Variants in CPED1 observed in about 807,000 individuals in gnomAD.
CPED1 encodes cadherin like and PC-esterase domain containing 1.
Under a neutral mutation model 128.2 loss-of-function variants are expected in CPED1, and 114 were observed. The observed-to-expected ratio is 0.89, with a 90% CI of 0.76 to 1.04. The LOEUF (loss-of-function observed/expected upper bound fraction) is 1.04, where lower values mean the gene tolerates loss of function less well. Ranked by LOEUF, CPED1 falls within the 50% of genes least tolerant of loss-of-function variation. CPED1 has a pLI of 0.00. For missense variants in CPED1, 1,211 were observed against 1,207.1 expected (o/e 1.00, Z -0.05); for synonymous variants, 462 against 426.7 (o/e 1.08, Z -1.02).
rs186340674 is a variant in CPED1 at position 121,272,099 on chromosome 7, T to C, written c.2868+669T>C. On this transcript the variant is annotated intron_variant, in intron 22 of 22. Transcript: ENST00000310396. ...CAAAAGGTCTCCAATCACCTTCAGG[T>C]GTAGGAGTATCACATCAATACTAAA... Among the ~76,000 whole-genome samples, 404 of 152,176 alleles carry C rather than the reference T, an allele frequency of 2.7e-3. 4 individuals carry two copies. The highest frequency in any genetic ancestry group is 9.4e-3 in the African/African-American group (391 of 41,542).
chr7:121,292,314 G>C (rs1275416921), intron 22 of CPED1, among the ~76,000 whole-genome samples: 4 of 151,370 alleles, frequency 2.6e-5, no homozygotes, highest in African/African-American at 9.7e-5. Flanking sequence ...TTCGGTTATT[G>C]ATACCTGTGT....
At chr7:121,136,801 G>A (rs1461662848) in intron 14 of CPED1, among the ~76,000 whole-genome samples, 3 of 152,180 alleles carry the variant, frequency 2.0e-5, no homozygotes, top group Middle Eastern at 3.4e-3. Context: ...GCTTTGGGAG[G>A]CCAAGGCAGG....
chr7:121,183,794 A>G (rs886529054), intron 16 of CPED1, among the ~76,000 whole-genome samples: 2 of 152,196 alleles, frequency 1.3e-5, no homozygotes, highest in African/African-American at 4.8e-5. Context: ...AGTTCTGGTA[A>G]CTGGAAAAGT....
chr7:121,152,575 T>C (rs938936415), intron 16 of CPED1, among the ~76,000 whole-genome samples: 1 of 152,214 alleles, frequency 6.6e-6, no homozygotes, highest in Non-Finnish European at 1.5e-5. Context: ...AAGGGAGTTT[T>C]AAGGAAAAAT....
intron 13 of CPED1, among the ~76,000 whole-genome samples, chr7:121,134,932 A>G (rs1321889912): frequency 1.3e-5 from 2 of 152,020 alleles, no homozygotes; most frequent in Non-Finnish European, 2.9e-5. Flanking sequence ...AATTACATAA[A>G]TTATCAACAA....
intron 22 of CPED1, among the ~76,000 whole-genome samples, chr7:121,287,261 A>C (rs982362059): frequency 1.3e-5 from 2 of 151,832 alleles, no homozygotes; most frequent in African/African-American, 2.4e-5. Context: ...ACCTCCTGCC[A>C]CACAGACACA....
chr7:121,256,224 C>G (rs1791871445), intron 18 of CPED1, among the ~76,000 whole-genome samples: 1 of 150,562 alleles, frequency 6.6e-6, no homozygotes, highest in Non-Finnish European at 1.5e-5. Flanking sequence ...GGTACTGACT[C>G]AAAACCAGAC....
At chr7:121,287,953 A>G (rs1721461631) in intron 22 of CPED1, among the ~76,000 whole-genome samples, 1 of 152,186 alleles carries the variant, frequency 6.6e-6, no homozygotes, top group Admixed American at 6.6e-5. Context: ...ACAATTTTCA[A>G]ATGTTAACTT....
chr7:121,163,309 C>G (rs1796452301), intron 16 of CPED1, among the ~76,000 whole-genome samples: 1 of 152,172 alleles, frequency 6.6e-6, no homozygotes, highest in African/African-American at 2.4e-5. Flanking sequence ...GAAATAGAAA[C>G]CAACTCTGGC....
At chr7:121,215,972 A>G (rs1797750506) in intron 16 of CPED1, among the ~76,000 whole-genome samples, 1 of 152,006 alleles carries the variant, frequency 6.6e-6, no homozygotes, top group Non-Finnish European at 1.5e-5. Flanking sequence ...AATTTCACAG[A>G]TAAGAAAATT....
intron 16 of CPED1, among the ~76,000 whole-genome samples, chr7:121,166,126 CA>C (rs138939453): frequency 0.14 from 15,802 of 116,196 alleles, 1,385 homozygotes; most frequent in African/African-American, 0.27. Flanking sequence ...ATGGCAAAAA[CA>C]AAAAAAAACA....
At chr7:121,159,017 G>A (rs996878095) in intron 16 of CPED1, among the ~76,000 whole-genome samples, 7 of 151,932 alleles carry the variant, frequency 4.6e-5, no homozygotes, top group African/African-American at 1.7e-4. Context: ...CTAAAATAAA[G>A]TGCCAACCCC....
chr7:121,181,970 A>G (rs918623056), intron 16 of CPED1, among the ~76,000 whole-genome samples: 13 of 152,124 alleles, frequency 8.5e-5, no homozygotes, highest in Admixed American at 3.9e-4. Context: ...CTGGAAATTT[A>G]AAAGTCACGT....
intron 7 of CPED1, among the ~76,000 whole-genome samples, chr7:121,117,097 AT>A (rs1390120215): frequency 9.0e-5 from 13 of 143,910 alleles, no homozygotes; most frequent in South Asian, 2.1e-4. Context: ...ATATATATAT[AT>A]AAATATATAT....
chr7:121,266,156 A>G (rs1792118112), intron 18 of CPED1, 71 bp from the exon 19 acceptor site: 21 of 1,213,354 alleles, frequency 1.7e-5, no homozygotes, highest in Admixed American at 5.4e-5. Flanking sequence ...TCAAAATTTC[A>G]TTATTTTAAA....
intron 5 of CPED1, 29 bp downstream of exon 5, chr7:121,064,342 A>G: frequency 6.6e-7 from 1 of 1,512,742 alleles, no homozygotes; most frequent in Non-Finnish European, 9.2e-7. Context: ...CCTTAGGCTT[A>G]AACATGTGAG....
intron 5 of CPED1, among the ~76,000 whole-genome samples, chr7:121,080,078 C>T (rs1794245893): frequency 6.6e-6 from 1 of 152,148 alleles, no homozygotes; most frequent in Non-Finnish European, 1.5e-5. Context: ...AATACCAAAA[C>T]AGCTGGCTAA....
chr7:121,231,031 C>A (rs535103896), intron 16 of CPED1, among the ~76,000 whole-genome samples: 5 of 151,952 alleles, frequency 3.3e-5, no homozygotes, highest in African/African-American at 9.7e-5. Flanking sequence ...GTTTGGGAGT[C>A]GTGATCATTC....
intron 18 of CPED1, among the ~76,000 whole-genome samples, chr7:121,255,395 T>C (rs1798778840): frequency 6.6e-6 from 1 of 151,948 alleles, no homozygotes; most frequent in Non-Finnish European, 1.5e-5. Flanking sequence ...AAACTAGGCA[T>C]CAATTGAAAG....
Sources: gnomAD v4.1 joint callset for allele counts (sites outside exome capture counted in the v4.1 genomes callset) on GRCh38, gnomAD v4.1.1 for gene constraint, MANE v1.5 for transcripts, NCBI Gene and HGNC (gene_info 2026-07-23, HGNC 2026-07-21) for gene names.